The following CNTN4 variants were observed in gnomAD, a reference collection of about 807,000 sequenced individuals.
The protein encoded by CNTN4 is contactin-4.
CNTN4 carries 77 observed loss-of-function variants against 122.5 expected under a neutral mutation model. The observed-to-expected ratio is 0.63, with a 90% confidence interval of 0.52 to 0.76. The LOEUF is 0.76. Ranked by LOEUF, CNTN4 falls within the 30% of genes least tolerant of loss-of-function variation. The probability of loss-of-function intolerance (pLI) is 0.00; values close to 1 mark genes in which losing one functional copy is unlikely to be tolerated. For synonymous variants in CNTN4, 512 were observed against 447.0 expected (o/e 1.15, Z -1.83); for missense variants, 1,256 against 1,259.1 (o/e 1.00, Z 0.04).
At chr3:2,787,799 T>G (rs1269020362) in intron 6 of CNTN4, among the ~76,000 whole-genome samples, 3 of 151,568 alleles carry the variant, frequency 2.0e-5, no homozygotes, top group Non-Finnish European at 2.9e-5. Context: ...TTTTGTTTTT[T>G]TTTTTTTTGA....
At chr3:2,978,761 T>C (rs577145114) in intron 13 of CNTN4, among the ~76,000 whole-genome samples, 3 of 152,262 alleles carry the variant, frequency 2.0e-5, no homozygotes, top group Admixed American at 1.3e-4. Context: ...GCATCGCTGA[T>C]GGCCCCTGGG....
At chr3:2,879,975 A>T (rs1034203126) in intron 8 of CNTN4, among the ~76,000 whole-genome samples, 18 of 152,200 alleles carry the variant, frequency 1.2e-4, no homozygotes, top group African/African-American at 3.9e-4. Context: ...GAGGAGAGGG[A>T]AAGGCAGGCA....
intron 23 of CNTN4, among the ~76,000 whole-genome samples, chr3:3,046,190 T>C (rs570181018): frequency 1.3e-5 from 2 of 152,320 alleles, no homozygotes; most frequent in East Asian, 1.9e-4. Context: ...TGGAACCAAG[T>C]TGGAAAACAC....
chr3:2,793,773 A>C (rs1302363208), intron 6 of CNTN4, among the ~76,000 whole-genome samples: 1 of 152,212 alleles, frequency 6.6e-6, no homozygotes, highest in Non-Finnish European at 1.5e-5. Context: ...TGCCTTGATT[A>C]CAGTTACTGA....
intron 3 of CNTN4, among the ~76,000 whole-genome samples, chr3:2,477,376 T>C (rs2075863250): frequency 6.6e-6 from 1 of 152,206 alleles, no homozygotes; most frequent in African/African-American, 2.4e-5. Context: ...ATTATATTTA[T>C]AATGATAAAA....
intron 13 of CNTN4, among the ~76,000 whole-genome samples, chr3:2,930,486 C>G (rs2094510227): frequency 6.6e-6 from 1 of 152,186 alleles, no homozygotes; most frequent in Admixed American, 6.5e-5. Flanking sequence ...TTTTACTTTT[C>G]ACCGAAGCCA....
intron 2 of CNTN4, among the ~76,000 whole-genome samples, chr3:2,319,782 G>A (rs954951095): frequency 1.3e-5 from 2 of 152,114 alleles, no homozygotes; most frequent in African/African-American, 4.8e-5. Flanking sequence ...TGACTTCATG[G>A]GGGTTGGTAC....
intron 4 of CNTN4, among the ~76,000 whole-genome samples, chr3:2,723,424 C>T (rs1045308112): frequency 2.0e-5 from 3 of 152,176 alleles, no homozygotes; most frequent in Non-Finnish European, 4.4e-5. Context: ...ATTTATTTCT[C>T]ACTATTCTGG....
At chr3:2,724,698 T>C (rs114120014) in intron 4 of CNTN4, among the ~76,000 whole-genome samples, 1 of 152,176 alleles carries the variant, frequency 6.6e-6, no homozygotes, top group Non-Finnish European at 1.5e-5. Context: ...AAGTACTGCC[T>C]GCAGGCATTC....
At chr3:2,980,883 GACCACCCTAAT>G (rs956972129) in intron 13 of CNTN4, among the ~76,000 whole-genome samples, 2 of 152,128 alleles carry the variant, frequency 1.3e-5, no homozygotes, top group Non-Finnish European at 2.9e-5. Context: ...AAGCTGGCTG[GACCACCCTAAT>G]ATTATGCAAA....
intron 3 of CNTN4, among the ~76,000 whole-genome samples, chr3:2,408,214 C>A (rs2151014687): frequency 6.6e-6 from 1 of 152,258 alleles, no homozygotes; most frequent in South Asian, 2.1e-4. Flanking sequence ...ACCTACATAT[C>A]CCTGGAGACC....
intron 4 of CNTN4, among the ~76,000 whole-genome samples, chr3:2,572,543 C>T (rs1231894542): frequency 6.6e-6 from 1 of 152,196 alleles, no homozygotes; most frequent in African/African-American, 2.4e-5. Flanking sequence ...GCAGCTTGGG[C>T]TGCTGTGTAT....
At chr3:2,151,133 C>G (rs962146785) in intron 2 of CNTN4, among the ~76,000 whole-genome samples, 2 of 152,070 alleles carry the variant, frequency 1.3e-5, no homozygotes, top group Admixed American at 1.3e-4. Flanking sequence ...CCATGTTGGC[C>G]GGGCTGGTCT....
chr3:2,214,396 G>A (rs1349029658), intron 2 of CNTN4, among the ~76,000 whole-genome samples: 1 of 152,130 alleles, frequency 6.6e-6, no homozygotes, highest in South Asian at 2.1e-4. Flanking sequence ...TCCATGATCA[G>A]ACAAATGATC....
intron 2 of CNTN4, among the ~76,000 whole-genome samples, chr3:2,245,635 G>A (rs1296053604): frequency 6.6e-6 from 1 of 151,952 alleles, no homozygotes; most frequent in Non-Finnish European, 1.5e-5. Context: ...CCATGTACAT[G>A]TTTTTAGAAC....
intron 4 of CNTN4, among the ~76,000 whole-genome samples, chr3:2,627,645 C>T (rs752004745): frequency 1.3e-5 from 2 of 151,934 alleles, no homozygotes; most frequent in South Asian, 2.1e-4. Context: ...AGGTGCCCGC[C>T]ACCACGCCTG....
chr3:2,925,550 A>T (rs2094465916), intron 12 of CNTN4, 79 bp from the exon 13 acceptor site: 1 of 1,468,310 alleles, frequency 6.8e-7, no homozygotes, highest in Non-Finnish European at 9.4e-7. Context: ...GTCTCAAAAA[A>T]GAAAGAAAGA....
intron 13 of CNTN4, among the ~76,000 whole-genome samples, chr3:2,980,635 C>A (rs1693869174): frequency 6.6e-6 from 1 of 152,080 alleles, no homozygotes. Context: ...CATCTCATGC[C>A]AAGAAAATTA....
chr3:2,381,752 A>G (rs2046031558), intron 3 of CNTN4, among the ~76,000 whole-genome samples: 1 of 152,172 alleles, frequency 6.6e-6, no homozygotes, highest in Non-Finnish European at 1.5e-5. Context: ...TTTTGATTAT[A>G]TAAATTAAAA....
Sources: allele counts gnomAD v4.1 joint callset (sites outside exome capture counted in the v4.1 genomes callset), GRCh38; gene constraint gnomAD v4.1.1; transcripts MANE v1.5; gene names NCBI Gene and HGNC (gene_info 2026-07-23, HGNC 2026-07-21).